The following COL5A1 variants were observed in gnomAD, a reference collection of about 807,000 sequenced individuals.
The protein encoded by COL5A1 is collagen type V alpha 1 chain.
In COL5A1, 16 loss-of-function variants were observed where a neutral mutation model predicts 263.7. The observed-to-expected ratio is 0.06, with a 90% CI of 0.04 to 0.09. The LOEUF (loss-of-function observed/expected upper bound fraction) is 0.09, where lower values mean the gene tolerates loss of function less well. Among genes scored for constraint, COL5A1 ranks in the 10% least tolerant of loss-of-function variants. The pLI is 1.00. For synonymous variants in COL5A1, 1,012 were observed against 1,004.5 expected (o/e 1.01, Z -0.14); for missense variants, 2,036 against 2,540.5 (o/e 0.80, Z 4.27).
intron 63 of COL5A1, among the ~76,000 whole-genome samples, chr9:134,828,412 G>A (rs372768548): frequency 6.6e-6 from 1 of 151,674 alleles, no homozygotes; most frequent in Non-Finnish European, 1.5e-5. Context: ...ACCCGCACAC[G>A]TCTCAGTCCC....
At position 134,758,284 on chromosome 9, in the gene COL5A1, G is replaced by T. The variant is rs780322561; in HGVS notation, c.1923G>T (p.Glu641Asp). ...GFDGLAGLPG[E>D]KGHRGDPGPS... ...ACGGCCTGGCTGGGTTGCCAGGCGA[G>T]AAGGGCCACAGGGTGAGTATTTCCT... Residue 641 changes from glutamate (E) to aspartate (D), a missense_variant, in exon 18 of 66, where the codon GAG becomes GAT. Physicochemically the swap from Glu to Asp is conservative, Grantham distance 45 (BLOSUM62 2). This residue lies in a region of COL5A1 where 1,078 missense variants were observed against 1,521.4 expected (regional missense o/e 0.71). Coordinates refer to ENST00000371817, the MANE Select transcript of COL5A1 (RefSeq NM_000093.5). This position sits in a 1 kb window ranked among gnomAD's most constrained non-coding sequence, Gnocchi z 4.1. The T allele has an allele frequency of 1.2e-6, 2 of 1,614,080 alleles. No individual in the cohort carries two copies. Among genetic ancestry groups the T allele is most frequent in the Admixed American group, 1.7e-5 (1 of 60,024 alleles).
intron 1 of COL5A1, among the ~76,000 whole-genome samples, chr9:134,679,734 G>A (rs1251341790): frequency 7.4e-6 from 1 of 135,022 alleles, no homozygotes; most frequent in African/African-American, 3.3e-5. Flanking sequence ...GGGGCACTGT[G>A]GGGCTTCTTA....
intron 4 of COL5A1, among the ~76,000 whole-genome samples, chr9:134,725,080 G>T (rs774442331): frequency 1.3e-5 from 2 of 152,172 alleles, no homozygotes; most frequent in Non-Finnish European, 2.9e-5. Context: ...AAGTCCCCTT[G>T]CCTGCGGCAC....
chr9:134,834,566 C>T (rs934034116), intron 64 of COL5A1, among the ~76,000 whole-genome samples: 4 of 152,194 alleles, frequency 2.6e-5, no homozygotes, highest in Admixed American at 6.5e-5. Flanking sequence ...AGAAGGATGC[C>T]ATCCTGCCCT....
At chr9:134,792,438 C>A (rs920959285) in intron 32 of COL5A1, among the ~76,000 whole-genome samples, 1 of 152,030 alleles carries the variant, frequency 6.6e-6, no homozygotes, top group African/African-American at 2.4e-5. Context: ...TGCAGTGGTG[C>A]GATCTCAGCT....
intron 9 of COL5A1, among the ~76,000 whole-genome samples, chr9:134,735,944 C>T (rs1435558475): frequency 1.3e-5 from 2 of 152,204 alleles, no homozygotes; most frequent in Admixed American, 6.5e-5. Flanking sequence ...GCCTGGTACC[C>T]AGCACCTCTG....
In COL5A1 at chr9:134,754,460, C is replaced by G. The variant is rs528098067; in HGVS notation, c.1827+134C>G. 5.8e-5 allele frequency: 58 copies of G among 1,000,952 alleles called. 1 individual carries two copies. The South Asian group carries it at 6.4e-4, about 11-fold the overall frequency. The allele number at this position is 1,000,952 out of a possible 1,614,324, so 62.0% of individuals were successfully genotyped here. On this transcript the variant is annotated intron_variant, in intron 16 of 65. Transcript: ENST00000371817. The surrounding 1 kb of genome is among the most constrained non-coding windows in gnomAD (Gnocchi z 4.3). Reference sequence around the variant, plus strand: ...GTGGCTCCCCTTCTTGTGATGGGTGCGTCCATCCCCAAGGCTGCCTCTGAG... The same window carrying G: ...GTGGCTCCCCTTCTTGTGATGGGTGGGTCCATCCCCAAGGCTGCCTCTGAG...
intron 9 of COL5A1, among the ~76,000 whole-genome samples, chr9:134,737,752 C>T (rs560748429): frequency 6.6e-6 from 1 of 152,320 alleles, no homozygotes; most frequent in South Asian, 2.1e-4. Context: ...TCCACATTGC[C>T]TTTCCCAGGG....
chr9:134,803,196 G>C (rs1038130599), intron 39 of COL5A1, among the ~76,000 whole-genome samples: 1 of 152,236 alleles, frequency 6.6e-6, no homozygotes, highest in African/African-American at 2.4e-5. Context: ...CTCAGGGATG[G>C]GCTTGAAGGG....
chr9:134,736,619 CCTT>C (rs1320492383), intron 9 of COL5A1, among the ~76,000 whole-genome samples: 1 of 152,218 alleles, frequency 6.6e-6, no homozygotes, highest in African/African-American at 2.4e-5. Flanking sequence ...AAATTCATGT[CCTT>C]CTCACATACA....
chr9:134,705,609 G>A (rs1328274629), intron 4 of COL5A1, among the ~76,000 whole-genome samples: 1 of 152,270 alleles, frequency 6.6e-6, no homozygotes, highest in Non-Finnish European at 1.5e-5. Flanking sequence ...AACGCTGTCG[G>A]ATTTTGGGTT....
intron 36 of COL5A1, among the ~76,000 whole-genome samples, chr9:134,797,505 C>T (rs542504660): frequency 1.3e-5 from 2 of 152,208 alleles, no homozygotes; most frequent in African/African-American, 4.8e-5. Flanking sequence ...TTTTTTGAGA[C>T]AGAGTCTCGC....
At position 134,793,260 on chromosome 9, in the gene COL5A1, G is replaced by A. The variant is rs1032918998; in HGVS notation, c.2701-1822G>A. Among the ~76,000 whole-genome samples the A allele has an allele frequency of 7.2e-5, 11 of 152,130 alleles. No individual in the cohort carries two copies. In the East Asian group the frequency reaches 2.1e-3, roughly 30 times the overall value. ...CTGTGTTTGACTTCCCCAGTAGAAG[G>A]TCCCCTCTCAAGCTGCGTTTGGCTT... On this transcript the variant is annotated intron_variant, in intron 32 of 65. Coordinates refer to ENST00000371817, the MANE Select transcript of COL5A1 (RefSeq NM_000093.5).
rs183107663 is a variant in COL5A1 at position 134,821,702 on chromosome 9, G to A, written c.4555-395G>A. On this transcript the variant is annotated intron_variant, in intron 58 of 65. Transcript: ENST00000371817. The surrounding 1 kb of genome is among the most constrained non-coding windows in gnomAD (Gnocchi z 4.2). ...CAACCCCTCCGGGCTTAGTTCTAGA[G>A]GGGAGACTAACACCATGAGCAGGAA... 6.6e-5 allele frequency among the ~76,000 whole-genome samples: 10 copies of A among 152,338 alleles called. No homozygotes were observed. In the East Asian group the frequency reaches 9.7e-4, roughly 15 times the overall value.
intron 4 of COL5A1, among the ~76,000 whole-genome samples, chr9:134,724,385 C>T (rs1367711510): frequency 1.3e-5 from 2 of 152,244 alleles, no homozygotes; most frequent in Non-Finnish European, 2.9e-5. Flanking sequence ...CCAGGCCACA[C>T]AGCCAGGCAA....
intron 27 of COL5A1, among the ~76,000 whole-genome samples, chr9:134,779,365 C>G (rs760593578): frequency 6.6e-6 from 1 of 152,224 alleles, no homozygotes; most frequent in Admixed American, 6.5e-5. Context: ...TAGTCCTGGG[C>G]CCCGTCCCAG....
rs1281999280 is a variant in COL5A1 at position 134,732,134 on chromosome 9, A to T, written c.1389+7A>T. On this transcript the variant is annotated splice_region_variant and intron_variant, in intron 9 of 65. Coordinates refer to ENST00000371817, the MANE Select transcript of COL5A1 (RefSeq NM_000093.5). ...ACCAGCGATTATCGAGCCGGTGAGG[A>T]CATTTTCTCATTCCCTCCCTGCGCC... The T allele has an allele frequency of 3.7e-6, 6 of 1,614,076 alleles. No homozygotes were observed. The highest frequency in any genetic ancestry group is 1.3e-5 in the African/African-American group (1 of 74,936).
At chr9:134,838,219 G>A (rs1048671284) in intron 65 of COL5A1, among the ~76,000 whole-genome samples, 1 of 152,142 alleles carries the variant, frequency 6.6e-6, no homozygotes, top group Non-Finnish European at 1.5e-5. Flanking sequence ...TGGCATTCTC[G>A]GCCTCCACCC....
At chr9:134,782,007 C>T (rs1837273354) in intron 28 of COL5A1, among the ~76,000 whole-genome samples, 1 of 152,222 alleles carries the variant, frequency 6.6e-6, no homozygotes, top group Non-Finnish European at 1.5e-5. Flanking sequence ...GCCACCCGTG[C>T]CCTCTGCTGA....
Sources: gnomAD v4.1 joint callset for allele counts (sites outside exome capture counted in the v4.1 genomes callset) on GRCh38, gnomAD v4.1.1 for gene constraint, gnomAD v4.1.1 regional missense constraint, Gnocchi (gnomAD v3.1) non-coding constraint, MANE v1.5 for transcripts, NCBI Gene and HGNC (gene_info 2026-07-23, HGNC 2026-07-21) for gene names.